XKR4: variants seen among roughly 807,000 people sequenced by gnomAD.
XKR4 encodes the protein XK related 4, also known as XK-related protein 4.
In XKR4, 12 loss-of-function variants were observed where a neutral mutation model predicts 53.9. That is an observed-to-expected ratio of 0.22 (90% CI 0.14 to 0.36). The LOEUF (loss-of-function observed/expected upper bound fraction) is 0.36. Among genes scored for constraint, XKR4 ranks in the 10% least tolerant of loss-of-function variants. The pLI, the probability that XKR4 is intolerant of heterozygous loss-of-function variation, is 1.00. For missense variants in XKR4, 799 were observed against 859.5 expected, an observed-to-expected ratio of 0.93 and a Z score of 0.88; for synonymous variants, 354 against 362.4, an observed-to-expected ratio of 0.98 and a Z score of 0.26.
At chr8:55,123,381 G>A (rs1022296634) in intron 1 of XKR4, among the ~76,000 whole-genome samples, 1 of 152,192 alleles carries the variant, frequency 6.6e-6, no homozygotes, top group Non-Finnish European at 1.5e-5. Flanking sequence ...TGCCCAGGAC[G>A]TTCCCATGAA....
intron 2 of XKR4, among the ~76,000 whole-genome samples, chr8:55,382,114 T>G (rs753815658): frequency 6.6e-6 from 1 of 152,258 alleles, no homozygotes; most frequent in Non-Finnish European, 1.5e-5. Context: ...TAATTGGAGA[T>G]GCCTTTGTCA....
chr8:55,165,835 G>T (rs550193395), intron 1 of XKR4, among the ~76,000 whole-genome samples: 24 of 150,914 alleles, frequency 1.6e-4, no homozygotes, highest in African/African-American at 5.1e-4. Context: ...AAAAGAAAAA[G>T]AAAATTCATG....
intron 2 of XKR4, among the ~76,000 whole-genome samples, chr8:55,494,921 G>A (rs1216715153): frequency 6.6e-6 from 1 of 152,152 alleles, no homozygotes; most frequent in Non-Finnish European, 1.5e-5. Context: ...CAGCTGGAAG[G>A]TGGGGCATCA....
chr8:55,514,643 G>C (rs1375045801), intron 2 of XKR4, among the ~76,000 whole-genome samples: 1 of 151,722 alleles, frequency 6.6e-6, no homozygotes, highest in Non-Finnish European at 1.5e-5. Flanking sequence ...TTCATTTCTC[G>C]CCTGCCCCTG....
intron 1 of XKR4, among the ~76,000 whole-genome samples, chr8:55,289,951 C>T (rs145844594): frequency 1.3e-3 from 196 of 151,914 alleles, no homozygotes; most frequent in African/African-American, 4.2e-3. Flanking sequence ...TTTTTATTCC[C>T]GCTTATAATG....
Position 55,449,853 on chromosome 8 carries a change from T to A in XKR4, c.1007-73428T>A, listed in dbSNP as rs979201479. 4.9e-6 allele frequency: 5 copies of A among 1,017,388 alleles called. No individual in the cohort carries two copies. In the African/African-American group the frequency reaches 7.9e-5, roughly 16 times the overall value. The allele number at this position is 1,017,388 out of a possible 1,614,324, so 63.0% of individuals were successfully genotyped here. A position where few individuals can be genotyped will look rare whatever the true frequency, so the allele number is the denominator to read the frequency against. On this transcript the variant is annotated intron_variant, in intron 2 of 2. Coordinates refer to ENST00000327381, the MANE Select transcript of XKR4 (RefSeq NM_052898.2). ...TAGGACCTGTTCTCACTCTCAGCTG[T>A]CTGGAACTGGCTGTAAGGGTGCTGG...
At chr8:55,339,380 A>G (rs556308050) in intron 1 of XKR4, among the ~76,000 whole-genome samples, 1 of 152,330 alleles carries the variant, frequency 6.6e-6, no homozygotes, top group African/African-American at 2.4e-5. Flanking sequence ...AAGAAAACAT[A>G]TATAAAGCAT....
At chr8:55,503,675 A>T (rs908888888) in intron 2 of XKR4, among the ~76,000 whole-genome samples, 1 of 151,994 alleles carries the variant, frequency 6.6e-6, no homozygotes, top group Non-Finnish European at 1.5e-5. Context: ...TTCTTTTCTC[A>T]TTTGCATGTC....
intron 1 of XKR4, among the ~76,000 whole-genome samples, chr8:55,132,307 C>T (rs144583491): frequency 3.3e-5 from 5 of 152,280 alleles, no homozygotes; most frequent in African/African-American, 1.2e-4. Context: ...TTTTCCAATC[C>T]ATGTGTATAG....
chr8:55,510,413 C>G (rs1213000627), intron 2 of XKR4, among the ~76,000 whole-genome samples: 3 of 152,110 alleles, frequency 2.0e-5, no homozygotes, highest in Non-Finnish European at 4.4e-5. Flanking sequence ...GGGTTTTCAG[C>G]TGGGGAGATA....
intron 2 of XKR4, among the ~76,000 whole-genome samples, chr8:55,426,799 A>G (rs1805021668): frequency 6.6e-6 from 1 of 152,248 alleles, no homozygotes; most frequent in Non-Finnish European, 1.5e-5. Context: ...AAACTATGCT[A>G]AGAAGTTAAG....
chr8:55,180,680 C>G (rs967606863), intron 1 of XKR4, among the ~76,000 whole-genome samples: 2 of 152,012 alleles, frequency 1.3e-5, no homozygotes, highest in Non-Finnish European at 2.9e-5. Flanking sequence ...TACAGGCACC[C>G]GCCACCACAC....
chr8:55,415,494 G>C (rs187723983), intron 2 of XKR4, among the ~76,000 whole-genome samples: 1 of 152,118 alleles, frequency 6.6e-6, no homozygotes, highest in Admixed American at 6.5e-5. Flanking sequence ...TTCAGCAAGC[G>C]TTTATTGAGC....
At chr8:55,346,726 T>TGTGTGTGTGTGTGTGTG (rs1803650392) in intron 1 of XKR4, among the ~76,000 whole-genome samples, 2 of 149,166 alleles carry the variant, frequency 1.3e-5, no homozygotes, top group African/African-American at 4.9e-5. Context: ...TGTGTGTGTG[T>TGTGTGTGTGTGTGTGTG]TTAGAAAGCT....
chr8:55,497,255 G>A (rs969580469), intron 2 of XKR4, among the ~76,000 whole-genome samples: 6 of 152,176 alleles, frequency 3.9e-5, no homozygotes, highest in African/African-American at 1.4e-4. Flanking sequence ...GAATATAAAT[G>A]TATATGTGCT....
At chr8:55,408,756 C>T (rs1456335377) in intron 2 of XKR4, among the ~76,000 whole-genome samples, 1 of 152,102 alleles carries the variant, frequency 6.6e-6, no homozygotes, top group Non-Finnish European at 1.5e-5. Context: ...CGCCTGTAAT[C>T]CCAGGACTTT....
rs115480130 is a variant in XKR4, at chr8:55,406,724, T to C, written c.1006+48847T>C. ...AATTAGGAACAATAACACATGCCCA[T>C]TGTTATAAAGGCCAATGTCTTTGGC... On this transcript the variant is annotated intron_variant, in intron 2 of 2. Coordinates refer to ENST00000327381, the MANE Select transcript of XKR4 (RefSeq NM_052898.2). Among the ~76,000 whole-genome samples the C allele has an allele frequency of 1.5e-3, 225 of 152,338 alleles. 1 individual carries two copies. The highest frequency in any genetic ancestry group is 5.3e-3 in the African/African-American group (220 of 41,586).
chr8:55,118,775 G>A (rs539952254), intron 1 of XKR4, among the ~76,000 whole-genome samples: 3 of 152,194 alleles, frequency 2.0e-5, no homozygotes, highest in Admixed American at 1.3e-4. Context: ...ATGAATAATT[G>A]TGCAGTATCA....
chr8:55,246,338 G>A (rs1818285516), intron 1 of XKR4, among the ~76,000 whole-genome samples: 1 of 152,184 alleles, frequency 6.6e-6, no homozygotes, highest in Non-Finnish European at 1.5e-5. Flanking sequence ...AGCATAGATA[G>A]CAAGGAGAGA....
Sources: allele counts gnomAD v4.1 joint callset (sites outside exome capture counted in the v4.1 genomes callset), GRCh38; gene constraint gnomAD v4.1.1; transcripts MANE v1.5; gene names NCBI Gene and HGNC (gene_info 2026-07-23, HGNC 2026-07-21).